The following KIRREL3 variants were observed in gnomAD, a reference collection of about 807,000 sequenced individuals.
KIRREL3 encodes kin of IRRE-like protein 3.
Under a neutral mutation model 89.7 loss-of-function variants are expected in KIRREL3, and 36 were observed. The ratio of observed to expected loss-of-function variants is 0.40; its 90% CI spans 0.31 to 0.53. The LOEUF (loss-of-function observed/expected upper bound fraction) is 0.53, where lower values mean the gene tolerates loss of function less well. Ranked by LOEUF, KIRREL3 falls within the 20% of genes least tolerant of loss-of-function variation. The probability of loss-of-function intolerance (pLI) is 0.49; values close to 1 mark genes in which losing one functional copy is unlikely to be tolerated. For missense variants in KIRREL3, 864 were observed against 1,056.6 expected (o/e 0.82, Z 2.53); for synonymous variants, 445 against 441.4 (o/e 1.01, Z -0.10).
chr11:126,596,424 A>T (rs1942398682), intron 1 of KIRREL3, among the ~76,000 whole-genome samples: 1 of 152,254 alleles, frequency 6.6e-6, no homozygotes, highest in Admixed American at 6.5e-5. Context: ...GCCCAATGTC[A>T]CACAGCCAGT....
In KIRREL3 at chr11:126,430,909, A is replaced by G; in HGVS notation, c.1696+510T>C. On this transcript the variant is annotated intron_variant, in intron 14 of 16. Coordinates refer to ENST00000525144, the MANE Select transcript of KIRREL3 (RefSeq NM_032531.4). The surrounding 1 kb of genome is among the most constrained non-coding windows in gnomAD (Gnocchi z 6.6). ...AATTCTTCAAGCGTGCACAAACACT[A>G]GAATTTTATTGGTAATCACTGAAGA... 1.1e-6 allele frequency: 1 copy of G among 930,002 alleles called. No individual in the cohort carries two copies. Among genetic ancestry groups the G allele is most frequent in the Non-Finnish European group, 1.3e-6 (1 of 773,040 alleles). The allele number at this position is 930,002 out of a possible 1,614,324, so 57.6% of individuals were successfully genotyped here. A position where few individuals can be genotyped will look rare whatever the true frequency, so the allele number is the denominator to read the frequency against.
chr11:126,562,038 G>A lies in KIRREL3; in HGVS notation c.133+797C>T, dbSNP rs1382287680. On this transcript the variant is annotated intron_variant, in intron 2 of 16. Transcript: ENST00000525144. The surrounding 1 kb of genome is among the most constrained non-coding windows in gnomAD (Gnocchi z 4.7). ...GGCAAGCATGGCTGGTGGGAGCCAA[G>A]GCTTCATTTGTCTGACTTTAATGAA... Among the ~76,000 whole-genome samples the A allele has an allele frequency of 6.6e-6, 1 of 152,192 alleles. No homozygotes were observed. Among genetic ancestry groups the A allele is most frequent in the African/African-American group, 2.4e-5 (1 of 41,436 alleles).
In KIRREL3 at chr11:126,685,703, T is replaced by G. The variant is rs987901585; in HGVS notation, c.56-122791A>C. On this transcript the variant is annotated intron_variant, in intron 1 of 16. Coordinates refer to ENST00000525144, the MANE Select transcript of KIRREL3 (RefSeq NM_032531.4). The surrounding 1 kb of genome is among the most constrained non-coding windows in gnomAD (Gnocchi z 5.5). ...AGTTAAAGTGCTGTGACACGTCGTTTCCATCTCATTTTGAGATCTTGCCTA... is the reference window on the plus strand; with the variant it reads ...AGTTAAAGTGCTGTGACACGTCGTTGCCATCTCATTTTGAGATCTTGCCTA... Among the ~76,000 whole-genome samples the G allele has an allele frequency of 1.3e-5, 2 of 152,260 alleles. No individual in the cohort carries two copies. The highest frequency in any genetic ancestry group is 4.8e-5 in the African/African-American group (2 of 41,464).
At position 126,543,479 on chromosome 11, in the gene KIRREL3, G is replaced by A. The variant is rs1284619948; in HGVS notation, c.134-16792C>T. Among the ~76,000 whole-genome samples the A allele has an allele frequency of 2.0e-5, 3 of 152,164 alleles. No individual in the cohort carries two copies. In the East Asian group the frequency reaches 5.8e-4, roughly 29 times the overall value. On this transcript the variant is annotated intron_variant, in intron 2 of 16. Coordinates refer to ENST00000525144, the MANE Select transcript of KIRREL3 (RefSeq NM_032531.4). ...TAACACATCCAGGGTCACAGGGTGTGGTAGAGGTAGGGTTTGAGCCATTTG... is the reference window on the plus strand; with the variant it reads ...TAACACATCCAGGGTCACAGGGTGTAGTAGAGGTAGGGTTTGAGCCATTTG...
chr11:126,423,696 C>T lies in KIRREL3; in HGVS notation c.*884G>A, dbSNP rs938189364. On this transcript the variant is annotated 3_prime_UTR_variant, in exon 17 of 17. Coordinates refer to ENST00000525144, the MANE Select transcript of KIRREL3 (RefSeq NM_032531.4). ...CACACTTCCCAGGAAGCACTCTCTC[C>T]ATAAGTGTTCAGAGAACCCTGACCA... 1 of 152,202 alleles carries T rather than the reference C, an allele frequency of 6.6e-6. No homozygotes were observed. The highest frequency in any genetic ancestry group is 1.5e-5 in the Non-Finnish European group (1 of 68,066). The allele number at this position is 152,202 out of a possible 1,614,324, so 9.4% of individuals were successfully genotyped here. A position where few individuals can be genotyped will look rare whatever the true frequency, so the allele number is the denominator to read the frequency against.
rs1353981343 is a variant in KIRREL3, at chr11:126,527,572, G to A, written c.134-885C>T. ...TTCCAGATGGGAAAATGAGGCACAGGGAGGTGAAAAATAGTAATGGGAGCT... is the reference window on the plus strand; with the variant it reads ...TTCCAGATGGGAAAATGAGGCACAGAGAGGTGAAAAATAGTAATGGGAGCT... On this transcript the variant is annotated intron_variant, in intron 2 of 16. Transcript: ENST00000525144. This position sits in a 1 kb window ranked among gnomAD's most constrained non-coding sequence, Gnocchi z 4.2. Among the ~76,000 whole-genome samples, 1 of 152,110 alleles carries A rather than the reference G, an allele frequency of 6.6e-6. No homozygotes were observed. The highest frequency in any genetic ancestry group is 1.5e-5 in the Non-Finnish European group (1 of 68,026).
intron 5 of KIRREL3, among the ~76,000 whole-genome samples, chr11:126,465,878 G>A (rs1956706208): frequency 1.3e-5 from 2 of 152,236 alleles, no homozygotes; most frequent in Admixed American, 1.3e-4. Flanking sequence ...AAATAGCCAA[G>A]TGATAATAAG....
chr11:126,670,344 A>G (rs1945880476), intron 1 of KIRREL3, among the ~76,000 whole-genome samples: 2 of 152,226 alleles, frequency 1.3e-5, no homozygotes, highest in African/African-American at 4.8e-5. Flanking sequence ...TAGAGTTAAC[A>G]TCATACTTAA....
intron 1 of KIRREL3, among the ~76,000 whole-genome samples, chr11:126,847,777 C>T (rs1028829480): frequency 8.5e-5 from 13 of 152,184 alleles, no homozygotes; most frequent in African/African-American, 3.1e-4. Flanking sequence ...AAGTACACTC[C>T]TGTAAACAGA....
rs1404449388 is a variant in KIRREL3, at chr11:126,900,913, G to A, written c.55+99542C>T. Among the ~76,000 whole-genome samples, 3 of 152,174 alleles carry A rather than the reference G, an allele frequency of 2.0e-5. No individual in the cohort carries two copies. The highest frequency in any genetic ancestry group is 7.2e-5 in the African/African-American group (3 of 41,444). ...GTAAAACTGTAGGAAAAAAGGGAAA[G>A]TTGGAAGGGGAGGATAGAAAGATAG... On this transcript the variant is annotated intron_variant, in intron 1 of 16. Coordinates refer to ENST00000525144, the MANE Select transcript of KIRREL3 (RefSeq NM_032531.4). This position sits in a 1 kb window ranked among gnomAD's most constrained non-coding sequence, Gnocchi z 4.4.
chr11:126,816,434 G>A (rs142100439), intron 1 of KIRREL3, among the ~76,000 whole-genome samples: 54 of 152,270 alleles, frequency 3.5e-4, no homozygotes, highest in Non-Finnish European at 6.3e-4. Flanking sequence ...TATTATTTAG[G>A]AGTGGGCTGA....
intron 1 of KIRREL3, among the ~76,000 whole-genome samples, chr11:126,700,203 AAAAAG>A (rs1280060915): frequency 1.3e-5 from 2 of 152,084 alleles, no homozygotes; most frequent in African/African-American, 4.8e-5. Context: ...CAAAAAAAAA[AAAAAG>A]AGAGAGAGAG....
chr11:126,785,872 C>CAAAA (rs34526435), intron 1 of KIRREL3, among the ~76,000 whole-genome samples: 15 of 37,804 alleles, frequency 4.0e-4, no homozygotes, highest in South Asian at 3.7e-3. Context: ...GACTCCGTCT[C>CAAAA]AAAAAAAAAA....
rs1465808899 is a variant in KIRREL3, at chr11:126,872,828, T to C, written c.55+127627A>G. Among the ~76,000 whole-genome samples, 2 of 152,180 alleles carry C rather than the reference T, an allele frequency of 1.3e-5. No individual in the cohort carries two copies. The highest frequency in any genetic ancestry group is 2.9e-5 in the Non-Finnish European group (2 of 68,040). ...GTGTTGAATAATACCCCATGACAAC[T>C]GGGGTTTGAAAGGTAGCCCAGCTCT... On this transcript the variant is annotated intron_variant, in intron 1 of 16. Coordinates refer to ENST00000525144, the MANE Select transcript of KIRREL3 (RefSeq NM_032531.4). This position sits in a 1 kb window ranked among gnomAD's most constrained non-coding sequence, Gnocchi z 4.2.
In KIRREL3 at chr11:126,620,539, T is replaced by C. The variant is rs1433573048; in HGVS notation, c.56-57627A>G. On this transcript the variant is annotated intron_variant, in intron 1 of 16. Coordinates refer to ENST00000525144, the MANE Select transcript of KIRREL3 (RefSeq NM_032531.4). The surrounding 1 kb of genome is among the most constrained non-coding windows in gnomAD (Gnocchi z 4.8). ...TCTATGGGGTGCCTGTGCATGTGTG[T>C]TGTGTATGCATTTCTAGGAGGAGAG... 6.6e-6 allele frequency among the ~76,000 whole-genome samples: 1 copy of C among 152,222 alleles called. No homozygotes were observed. The highest frequency in any genetic ancestry group is 1.5e-5 in the Non-Finnish European group (1 of 68,042).
rs576612783 is a variant in KIRREL3, at chr11:126,837,042, C to T, written c.55+163413G>A. 9.4e-5 allele frequency among the ~76,000 whole-genome samples: 14 copies of T among 148,270 alleles called. No individual in the cohort carries two copies. The highest frequency in any genetic ancestry group is 4.0e-4 in the East Asian group (2 of 5,030). The stretch of plus-strand genomic sequence containing the variant: ...ATTTGTTAAGTATTTTTTTGGGGGG[C>T]GGGGGGTTGAATGAATGAACTAACA... On this transcript the variant is annotated intron_variant, in intron 1 of 16. Coordinates refer to ENST00000525144, the MANE Select transcript of KIRREL3 (RefSeq NM_032531.4). The surrounding 1 kb of genome is among the most constrained non-coding windows in gnomAD (Gnocchi z 4.7).
Position 126,474,448 on chromosome 11 carries a change from C to T in KIRREL3, c.434-982G>A, listed in dbSNP as rs536158724. ...CCCAGGGAACCTGGGAGCACCAGGC[C>T]GGCCCCTTCCCTGGCAGGGAGCAGG... is the stretch of plus-strand genomic sequence containing the variant. On this transcript the variant is annotated intron_variant, in intron 4 of 16. Coordinates refer to ENST00000525144, the MANE Select transcript of KIRREL3 (RefSeq NM_032531.4). This position sits in a 1 kb window ranked among gnomAD's most constrained non-coding sequence, Gnocchi z 6.7. Among the ~76,000 whole-genome samples, 9 of 152,308 alleles carry T rather than the reference C, an allele frequency of 5.9e-5. No homozygotes were observed. Among genetic ancestry groups the T allele is most frequent in the African/African-American group, 1.4e-4 (6 of 41,578 alleles).
rs573775200 is a variant in KIRREL3 at position 126,744,751 on chromosome 11, A to C, written c.56-181839T>G. Among the ~76,000 whole-genome samples, 1 of 152,272 alleles carries C rather than the reference A, an allele frequency of 6.6e-6. No homozygotes were observed. Among genetic ancestry groups the C allele is most frequent in the East Asian group, 1.9e-4 (1 of 5,166 alleles). On this transcript the variant is annotated intron_variant, in intron 1 of 16. Coordinates refer to ENST00000525144, the MANE Select transcript of KIRREL3 (RefSeq NM_032531.4). The surrounding 1 kb of genome is among the most constrained non-coding windows in gnomAD (Gnocchi z 4.7). ...TACTATTCTTTATAATGCTCATGCC[A>C]ATGTCAATGTTTTGAATGCTGCCTT...
At chr11:126,713,419 T>G (rs1256569929) in intron 1 of KIRREL3, among the ~76,000 whole-genome samples, 1 of 152,146 alleles carries the variant, frequency 6.6e-6, no homozygotes, top group Non-Finnish European at 1.5e-5. Context: ...TTTATGCCAT[T>G]CTTAGAAGTT....
Sources: allele counts gnomAD v4.1 joint callset (sites outside exome capture counted in the v4.1 genomes callset), GRCh38; gene constraint gnomAD v4.1.1; non-coding constraint Gnocchi (gnomAD v3.1); transcripts MANE v1.5; gene names NCBI Gene and HGNC (gene_info 2026-07-23, HGNC 2026-07-21).